Variants in MTHFD1L observed in about 807,000 individuals in gnomAD.
The protein encoded by MTHFD1L is methylenetetrahydrofolate dehydrogenase (NADP+ dependent) 1 like.
MTHFD1L carries 81 observed loss-of-function variants against 119.5 expected under a neutral mutation model. The observed-to-expected ratio is 0.68, with a 90% CI of 0.57 to 0.82. The LOEUF (loss-of-function observed/expected upper bound fraction) is 0.82. MTHFD1L is among the 40% of genes least tolerant of loss of function. MTHFD1L has a pLI of 0.00. For synonymous variants in MTHFD1L, 430 were observed against 475.2 expected, an observed-to-expected ratio of 0.90 and a Z score of 1.24; for missense variants, 1,125 against 1,253.4, an observed-to-expected ratio of 0.90 and a Z score of 1.55.
At chr6:150,993,332 G>T (rs549404) in intron 20 of MTHFD1L, among the ~76,000 whole-genome samples, 82,973 of 151,424 alleles carry the variant, frequency 0.55, 24,220 homozygotes, top group African/African-American at 0.74. Context: ...ATTTGGGTGG[G>T]TTTTTTTTTG....
chr6:150,874,021 G>A (rs533180718), intron 1 of MTHFD1L, among the ~76,000 whole-genome samples: 1 of 152,150 alleles, frequency 6.6e-6, no homozygotes, highest in South Asian at 2.1e-4. Flanking sequence ...ACCATGAACC[G>A]CTTGGGTCCC....
chr6:150,936,216 A>C lies in MTHFD1L; in HGVS notation c.1257-588A>C, dbSNP rs78206763. On this transcript the variant is annotated intron_variant, in intron 11 of 27. Transcript: ENST00000367321. ...GAACAAAGAACTTTTGAACTGTAAC[A>C]GCTGTCTGTAAATGAGTGGGCCACC... Among the ~76,000 whole-genome samples, 1,152 of 151,662 alleles carry C rather than the reference A, an allele frequency of 7.6e-3. 20 individuals carry two copies. The highest frequency in any genetic ancestry group is 0.026 in the African/African-American group (1,082 of 41,212).
At chr6:150,952,275 TTA>T (rs1203040186) in intron 16 of MTHFD1L, among the ~76,000 whole-genome samples, 5 of 152,226 alleles carry the variant, frequency 3.3e-5, no homozygotes, top group Admixed American at 3.3e-4. Flanking sequence ...AGTTTGGCTC[TTA>T]TGACCATGAA....
chr6:151,053,561 A>G (rs1287069654), intron 26 of MTHFD1L, among the ~76,000 whole-genome samples: 2 of 152,112 alleles, frequency 1.3e-5, no homozygotes, highest in Non-Finnish European at 2.9e-5. Flanking sequence ...CTAAAAATAT[A>G]TATAGTTTAA....
chr6:150,972,801 A>G (rs1357746851), intron 20 of MTHFD1L, among the ~76,000 whole-genome samples: 1 of 152,158 alleles, frequency 6.6e-6, no homozygotes, highest in African/African-American at 2.4e-5. Flanking sequence ...GTGAGCTAAT[A>G]TAGGAGAGAT....
intron 4 of MTHFD1L, among the ~76,000 whole-genome samples, chr6:150,878,276 A>G (rs1780807492): frequency 6.7e-6 from 1 of 150,102 alleles, no homozygotes; most frequent in Admixed American, 6.6e-5. Flanking sequence ...TTTGAGATGG[A>G]ATTTTACTTT....
intron 27 of MTHFD1L, among the ~76,000 whole-genome samples, chr6:151,094,962 A>G (rs1794776543): frequency 6.6e-6 from 1 of 152,208 alleles, no homozygotes; most frequent in South Asian, 2.1e-4. Flanking sequence ...CTTTGTTGCT[A>G]AAACACTAAA....
rs760261414 is a variant in MTHFD1L, at chr6:151,034,616, T to C, written c.2694+16T>C. On this transcript the variant is annotated intron_variant, in intron 25 of 27. Transcript: ENST00000367321. ...CACTCAACAGGTAAAAGTTCTACTT[T>C]TAGGGGAAAAGAAAAAATTCACCTT... is the stretch of plus-strand genomic sequence containing the variant. 6.4e-7 allele frequency: 1 copy of C among 1,559,654 alleles called. No homozygotes were observed. Among genetic ancestry groups the C allele is most frequent in the East Asian group, 2.2e-5 (1 of 44,578 alleles).
At chr6:150,889,401 A>G (rs1782860352) in intron 7 of MTHFD1L, among the ~76,000 whole-genome samples, 1 of 152,230 alleles carries the variant, frequency 6.6e-6, no homozygotes, top group African/African-American at 2.4e-5. Flanking sequence ...CCCCAAAAGC[A>G]CAGATTGCTA....
At chr6:151,098,324 T>C (rs1007556367) in intron 27 of MTHFD1L, among the ~76,000 whole-genome samples, 2 of 152,156 alleles carry the variant, frequency 1.3e-5, no homozygotes, top group Non-Finnish European at 2.9e-5. Flanking sequence ...AACCACAGGG[T>C]TACAAAGTAC....
At chr6:151,033,334 G>A (rs1785623206) in intron 24 of MTHFD1L, among the ~76,000 whole-genome samples, 1 of 152,044 alleles carries the variant, frequency 6.6e-6, no homozygotes, top group African/African-American at 2.4e-5. Flanking sequence ...TGGCCACGCT[G>A]ATCTTGAACA....
intron 7 of MTHFD1L, among the ~76,000 whole-genome samples, chr6:150,891,256 G>C (rs898444108): frequency 3.3e-5 from 5 of 152,212 alleles, no homozygotes; most frequent in African/African-American, 1.2e-4. Flanking sequence ...AAAATGCTGA[G>C]ATTACAGGCA....
intron 26 of MTHFD1L, among the ~76,000 whole-genome samples, chr6:151,080,037 C>G (rs549872883): frequency 6.6e-6 from 1 of 151,544 alleles, no homozygotes; most frequent in Non-Finnish European, 1.5e-5. Context: ...AATAGCTGGG[C>G]GTGGTAGTGC....
At chr6:151,043,217 G>A (rs1381196205) in intron 26 of MTHFD1L, among the ~76,000 whole-genome samples, 3 of 151,090 alleles carry the variant, frequency 2.0e-5, no homozygotes, top group Non-Finnish European at 2.9e-5. Flanking sequence ...TTGGGAGTTG[G>A]AGAGGGGATA....
At position 150,890,529 on chromosome 6, in the gene MTHFD1L, A is replaced by T. The variant is rs541290382; in HGVS notation, c.780+2548A>T. On this transcript the variant is annotated intron_variant, in intron 7 of 27. Coordinates refer to ENST00000367321, the MANE Select transcript of MTHFD1L (RefSeq NM_015440.5). ...GAGCATCTTCTGGAGCTTGATGACC[A>T]CTAGGGAATGTATCTGAGTCACGCG... Among the ~76,000 whole-genome samples the T allele has an allele frequency of 1.2e-4, 18 of 152,330 alleles. 1 individual carries two copies. In the South Asian group the frequency reaches 3.7e-3, roughly 32 times the overall value.
intron 7 of MTHFD1L, among the ~76,000 whole-genome samples, chr6:150,892,530 C>T (rs796523094): frequency 5.9e-5 from 9 of 152,210 alleles, no homozygotes; most frequent in Admixed American, 2.6e-4. Context: ...GGCACCATTG[C>T]GAATGTTAGA....
In MTHFD1L at chr6:150,937,052, A is replaced by G. The variant is rs901479581; in HGVS notation, c.1393+112A>G. 3.8e-6 allele frequency: 5 copies of G among 1,316,082 alleles called. No homozygotes were observed. In the African/African-American group the frequency reaches 4.4e-5, roughly 12 times the overall value. 81.5% of individuals were successfully genotyped at this position (1,316,082 alleles called of 1,614,324 possible). Reference sequence around the variant, plus strand: ...TAAGACTTTTCAGGGGACTTGGTACATTTCTTCACTGCACACTCAGTACAT... The same window carrying G: ...TAAGACTTTTCAGGGGACTTGGTACGTTTCTTCACTGCACACTCAGTACAT... On this transcript the variant is annotated intron_variant, in intron 12 of 27. Coordinates refer to ENST00000367321, the MANE Select transcript of MTHFD1L (RefSeq NM_015440.5).
At chr6:150,958,805 C>T (rs1273023162) in intron 17 of MTHFD1L, among the ~76,000 whole-genome samples, 1 of 152,180 alleles carries the variant, frequency 6.6e-6, no homozygotes, top group African/African-American at 2.4e-5. Context: ...TTCCGCTATG[C>T]ACGTCATTTA....
intron 7 of MTHFD1L, among the ~76,000 whole-genome samples, chr6:150,902,095 C>T (rs554821418): frequency 1.3e-5 from 2 of 152,180 alleles, no homozygotes; most frequent in Admixed American, 6.5e-5. Flanking sequence ...AAGAGGGTAG[C>T]GCTGTATTTA....
Sources: gnomAD v4.1 joint callset for allele counts (sites outside exome capture counted in the v4.1 genomes callset) on GRCh38, gnomAD v4.1.1 for gene constraint, MANE v1.5 for transcripts, NCBI Gene and HGNC (gene_info 2026-07-23, HGNC 2026-07-21) for gene names.